The following CADPS2 variants were observed in gnomAD, a reference collection of about 807,000 sequenced individuals.
CADPS2 encodes the protein calcium dependent secretion activator 2.
A neutral mutation model predicts 172.5 loss-of-function variants in CADPS2; 93 were observed. The observed-to-expected ratio is 0.54, with a 90% CI of 0.46 to 0.64. CADPS2 has a LOEUF of 0.64. Among genes scored for constraint, CADPS2 ranks in the 30% least tolerant of loss-of-function variants. The probability of loss-of-function intolerance (pLI) is 0.00; values close to 1 mark genes in which losing one functional copy is unlikely to be tolerated. For missense variants in CADPS2, 1,420 were observed against 1,565.9 expected, an observed-to-expected ratio of 0.91 and a Z score of 1.57; for synonymous variants, 546 against 555.2, an observed-to-expected ratio of 0.98 and a Z score of 0.23.
At chr7:122,716,285 T>TA (rs544225911) in intron 2 of CADPS2, among the ~76,000 whole-genome samples, 210 of 152,226 alleles carry the variant, frequency 1.4e-3, no homozygotes, top group South Asian at 5.4e-3. Context: ...GGGTACTATC[T>TA]AACATGTGGC....
chr7:122,517,233 C>T (rs1433192096), intron 8 of CADPS2, among the ~76,000 whole-genome samples: 3 of 152,110 alleles, frequency 2.0e-5, no homozygotes, highest in African/African-American at 7.2e-5. Flanking sequence ...ATATCAGAAG[C>T]CCACTCCTTT....
At chr7:122,879,322 G>A (rs1239441662) in intron 1 of CADPS2, among the ~76,000 whole-genome samples, 3 of 150,624 alleles carry the variant, frequency 2.0e-5, no homozygotes, top group South Asian at 4.2e-4. Flanking sequence ...CAGATCACAA[G>A]GTCAGGAGTT....
intron 1 of CADPS2, among the ~76,000 whole-genome samples, chr7:122,770,680 G>A (rs997646869): frequency 7.2e-5 from 11 of 152,156 alleles, no homozygotes; most frequent in Admixed American, 7.2e-4. Flanking sequence ...TATCCAGAGG[G>A]CTTTAAGGAA....
chr7:122,740,448 T>C (rs1456499439), intron 1 of CADPS2, among the ~76,000 whole-genome samples: 1 of 152,006 alleles, frequency 6.6e-6, no homozygotes, highest in Non-Finnish European at 1.5e-5. Flanking sequence ...GCAGCCAATA[T>C]AAAAAGGCTA....
intron 6 of CADPS2, among the ~76,000 whole-genome samples, chr7:122,599,024 C>A (rs2072338055): frequency 6.6e-6 from 1 of 151,896 alleles, no homozygotes; most frequent in South Asian, 2.1e-4. Flanking sequence ...TAAACTGGAG[C>A]CTTCAAGGAA....
intron 29 of CADPS2, among the ~76,000 whole-genome samples, chr7:122,321,829 TA>T (rs1339009149): frequency 6.6e-6 from 1 of 152,220 alleles, no homozygotes; most frequent in East Asian, 1.9e-4. Flanking sequence ...TTTCTGCAGC[TA>T]AACATGACTG....
intron 1 of CADPS2, among the ~76,000 whole-genome samples, chr7:122,795,187 T>C (rs1291685626): frequency 1.3e-5 from 2 of 151,354 alleles, no homozygotes; most frequent in Non-Finnish European, 3.0e-5. Flanking sequence ...CCAGGAGCAA[T>C]TTTTTTGAAA....
intron 2 of CADPS2, among the ~76,000 whole-genome samples, chr7:122,734,356 T>TAAAAAAAAAAAAAGAAAAAAAAAAAAAAA (rs2091944618): frequency 2.2e-5 from 1 of 46,294 alleles, no homozygotes; most frequent in Non-Finnish European, 3.7e-5. Context: ...CCAGAAATAG[T>TAAAAAAAAAAAAAGAAAAAAAAAAAAAAA]AAAAAAAAAA....
intron 29 of CADPS2, among the ~76,000 whole-genome samples, chr7:122,324,459 G>A (rs926433601): frequency 1.3e-5 from 2 of 152,128 alleles, no homozygotes; most frequent in Non-Finnish European, 2.9e-5. Context: ...TGGAGGACTT[G>A]TTAATCTATA....
chr7:122,333,625 C>T (rs2035371671), intron 28 of CADPS2, among the ~76,000 whole-genome samples: 1 of 152,206 alleles, frequency 6.6e-6, no homozygotes, highest in Non-Finnish European at 1.5e-5. Flanking sequence ...CATTCATTAT[C>T]TCTGCTTCTT....
chr7:122,772,450 AC>A (rs1302136623), intron 1 of CADPS2, among the ~76,000 whole-genome samples: 2 of 152,224 alleles, frequency 1.3e-5, no homozygotes, highest in African/African-American at 4.8e-5. Context: ...ATGCCACTTT[AC>A]TTTTAGATAC....
intron 8 of CADPS2, among the ~76,000 whole-genome samples, chr7:122,516,179 C>T (rs2060360828): frequency 6.6e-6 from 1 of 152,068 alleles, no homozygotes; most frequent in African/African-American, 2.4e-5. Flanking sequence ...TATCAAGTAT[C>T]CCTATCTAGC....
chr7:122,386,176 C>T, intron 24 of CADPS2: 1 of 716,366 alleles, frequency 1.4e-6, no homozygotes, highest in Non-Finnish European at 2.1e-6. Flanking sequence ...ACACAGAAGC[C>T]AAAAATCTGA....
chr7:122,496,226 A>G (rs540869803), intron 9 of CADPS2, among the ~76,000 whole-genome samples: 59 of 152,250 alleles, frequency 3.9e-4, no homozygotes, highest in Non-Finnish European at 6.9e-4. Flanking sequence ...CAGCTGCACA[A>G]TCTCAGCTCA....
chr7:122,525,508 G>C (rs1381796640), intron 8 of CADPS2, among the ~76,000 whole-genome samples: 7 of 152,106 alleles, frequency 4.6e-5, no homozygotes, highest in Admixed American at 4.6e-4. Flanking sequence ...TGGAGGAACT[G>C]AGCAGTAAGA....
chr7:122,565,908 T>C (rs2066404341), intron 7 of CADPS2, among the ~76,000 whole-genome samples: 2 of 152,278 alleles, frequency 1.3e-5, no homozygotes, highest in Admixed American at 6.5e-5. Context: ...GAAAACTTTG[T>C]AGCCTTTGGC....
chr7:122,629,395 A>T (rs1365544239), intron 3 of CADPS2, 67 bp from the exon 4 acceptor site: 2 of 1,162,862 alleles, frequency 1.7e-6, no homozygotes, highest in East Asian at 5.4e-5. Context: ...CCACAGACTG[A>T]GGCAGTCCCA....
At chr7:122,464,959 C>T (rs1024463003) in intron 14 of CADPS2, among the ~76,000 whole-genome samples, 6 of 152,012 alleles carry the variant, frequency 3.9e-5, no homozygotes, top group Non-Finnish European at 7.4e-5. Flanking sequence ...TTAAGGGAAA[C>T]GGAAATACGA....
intron 8 of CADPS2, among the ~76,000 whole-genome samples, chr7:122,513,637 G>A (rs2060154280): frequency 6.6e-6 from 1 of 152,162 alleles, no homozygotes; most frequent in African/African-American, 2.4e-5. Flanking sequence ...AGAGACAAAG[G>A]CTATTAATTG....
Sources: allele counts gnomAD v4.1 joint callset (sites outside exome capture counted in the v4.1 genomes callset), GRCh38; gene constraint gnomAD v4.1.1; transcripts MANE v1.5; gene names NCBI Gene and HGNC (gene_info 2026-07-23, HGNC 2026-07-21).